Variants in KDM4C observed in about 807,000 individuals in gnomAD.
The protein encoded by KDM4C is lysine-specific demethylase 4C.
KDM4C carries 81 observed loss-of-function variants against 129.3 expected under a neutral mutation model. The observed-to-expected ratio is 0.63, with a 90% CI of 0.52 to 0.75. The LOEUF (loss-of-function observed/expected upper bound fraction) is 0.75. Among genes scored for constraint, KDM4C ranks in the 30% least tolerant of loss-of-function variants. The pLI is 0.00. For synonymous variants in KDM4C, 573 were observed against 456.1 expected (o/e 1.26, Z -3.26); for missense variants, 1,457 against 1,304.0 (o/e 1.12, Z -1.81).
At chr9:6,869,145 T>C (rs1480343845) in intron 5 of KDM4C, among the ~76,000 whole-genome samples, 1 of 152,204 alleles carries the variant, frequency 6.6e-6, no homozygotes, top group African/African-American at 2.4e-5. Flanking sequence ...AGCTTAGTTA[T>C]TCCCTTCTTG....
intron 16 of KDM4C, 92 bp from the exon 17 acceptor site, chr9:7,049,000 T>C: frequency 2.5e-6 from 2 of 800,220 alleles, no homozygotes; most frequent in Non-Finnish European, 4.3e-6. Flanking sequence ...TGCTCATCTG[T>C]GTATTTCCCA....
intron 17 of KDM4C, among the ~76,000 whole-genome samples, chr9:7,078,150 T>C (rs928706631): frequency 6.6e-6 from 1 of 152,246 alleles, no homozygotes; most frequent in Non-Finnish European, 1.5e-5. Context: ...ATATTGTCGT[T>C]GTCTCTGGAT....
At chr9:7,021,501 T>A (rs1033670205) in intron 15 of KDM4C, among the ~76,000 whole-genome samples, 13 of 152,206 alleles carry the variant, frequency 8.5e-5, no homozygotes, top group Non-Finnish European at 1.5e-4. Flanking sequence ...GCCCATTTTT[T>A]AATCAGATTA....
At chr9:7,016,585 C>T (rs551114425) in intron 15 of KDM4C, among the ~76,000 whole-genome samples, 1 of 151,714 alleles carries the variant, frequency 6.6e-6, no homozygotes, top group African/African-American at 2.4e-5. Context: ...GCCACCATGC[C>T]TGGCTGATTT....
At chr9:6,810,206 A>G (rs1166790300) in intron 3 of KDM4C, among the ~76,000 whole-genome samples, 1 of 152,192 alleles carries the variant, frequency 6.6e-6, no homozygotes. Flanking sequence ...TTTACTGAGT[A>G]CACATTTTAT....
chr9:6,797,256 G>A (rs1171584247), intron 2 of KDM4C, among the ~76,000 whole-genome samples: 1 of 152,102 alleles, frequency 6.6e-6, no homozygotes, highest in African/African-American at 2.4e-5. Flanking sequence ...CAAAGTGCTG[G>A]GATTACAGGC....
intron 17 of KDM4C, among the ~76,000 whole-genome samples, chr9:7,078,106 T>G (rs187808376): frequency 2.0e-4 from 31 of 152,354 alleles, no homozygotes; most frequent in African/African-American, 7.2e-4. Context: ...TATTTATTTT[T>G]TAATGCATTG....
At chr9:6,967,089 GA>G (rs1831111520) in intron 8 of KDM4C, among the ~76,000 whole-genome samples, 1 of 152,120 alleles carries the variant, frequency 6.6e-6, no homozygotes, top group Non-Finnish European at 1.5e-5. Flanking sequence ...ACTCAATCAT[GA>G]AGTGACTAAA....
At chr9:6,726,754 G>T (rs62566461) in intron 1 of KDM4C, 13,179 of 152,176 alleles carry the variant, frequency 0.087, 748 homozygotes, top group Non-Finnish European at 0.12. Context: ...GGGTTTTCTT[G>T]AGACGGAGTC....
chr9:6,781,837 T>G (rs76011861), intron 1 of KDM4C, among the ~76,000 whole-genome samples: 1 of 151,034 alleles, frequency 6.6e-6, no homozygotes, highest in African/African-American at 2.5e-5. Flanking sequence ...TTTTTTTTTT[T>G]GAGACAGAAC....
chr9:7,018,649 G>A (rs1306892053), intron 15 of KDM4C, among the ~76,000 whole-genome samples: 2 of 152,176 alleles, frequency 1.3e-5, no homozygotes, highest in African/African-American at 2.4e-5. Flanking sequence ...TGGCTCCTGT[G>A]CTCACACACT....
intron 17 of KDM4C, among the ~76,000 whole-genome samples, chr9:7,067,296 G>A (rs189187019): frequency 8.7e-4 from 133 of 152,290 alleles, no homozygotes; most frequent in Non-Finnish European, 1.3e-4. Flanking sequence ...TATAGCTGTG[G>A]TGCATAACAT....
intron 4 of KDM4C, among the ~76,000 whole-genome samples, chr9:6,830,229 A>T (rs977564828): frequency 2.0e-5 from 3 of 152,272 alleles, no homozygotes; most frequent in African/African-American, 7.2e-5. Flanking sequence ...GGAAACCAGG[A>T]TAACCGTGTA....
intron 14 of KDM4C, 56 bp downstream of exon 14, chr9:7,014,057 T>A (rs1823197708): frequency 1.4e-6 from 2 of 1,449,354 alleles, no homozygotes; most frequent in African/African-American, 1.4e-5. Flanking sequence ...ACATCATCTT[T>A]ATTTCTCACT....
At chr9:6,908,011 C>CT (rs952827856) in intron 8 of KDM4C, among the ~76,000 whole-genome samples, 7 of 152,106 alleles carry the variant, frequency 4.6e-5, no homozygotes, top group African/African-American at 1.7e-4. Flanking sequence ...CTGCAAAGTC[C>CT]TTTGTAAGGA....
At chr9:7,130,483 G>C (rs1840501004) in intron 19 of KDM4C, among the ~76,000 whole-genome samples, 1 of 152,114 alleles carries the variant, frequency 6.6e-6, no homozygotes, top group Admixed American at 6.5e-5. Context: ...AAGTACACTT[G>C]AGTGTTGTGA....
chr9:6,924,856 A>C, intron 8 of KDM4C: 4 of 983,934 alleles, frequency 4.1e-6, no homozygotes, highest in Non-Finnish European at 4.8e-6. Context: ...GCTGTCCACT[A>C]TATATTTTTT....
chr9:6,798,755 T>C (rs940220019), intron 2 of KDM4C, among the ~76,000 whole-genome samples: 82 of 152,224 alleles, frequency 5.4e-4, no homozygotes, highest in African/African-American at 1.5e-3. Flanking sequence ...AGCTGTTGGG[T>C]ACACCTCCCA....
At chr9:6,834,500 C>T (rs1835496316) in intron 4 of KDM4C, 3 of 640,524 alleles carry the variant, frequency 4.7e-6, no homozygotes, top group African/African-American at 3.6e-5. Flanking sequence ...ACGGCTCCGG[C>T]ATGTGGAAGG....
Sources: gnomAD v4.1 joint callset for allele counts (sites outside exome capture counted in the v4.1 genomes callset) on GRCh38, gnomAD v4.1.1 for gene constraint, MANE v1.5 for transcripts, NCBI Gene and HGNC (gene_info 2026-07-23, HGNC 2026-07-21) for gene names.